The following DPP6 variants were observed in gnomAD, a reference collection of about 807,000 sequenced individuals.
DPP6 encodes the protein A-type potassium channel modulatory protein DPP6.
DPP6 carries 69 observed loss-of-function variants against 122.6 expected under a neutral mutation model. That is an observed-to-expected ratio of 0.56 (90% CI 0.46 to 0.69). The LOEUF is 0.69. Among genes scored for constraint, DPP6 ranks in the 30% least tolerant of loss-of-function variants. DPP6 has a pLI of 0.00. For synonymous variants in DPP6, 418 were observed against 433.1 expected, an observed-to-expected ratio of 0.97 and a Z score of 0.43; for missense variants, 928 against 1,116.9, an observed-to-expected ratio of 0.83 and a Z score of 2.41.
At chr7:154,446,905 G>C (rs2151290734) in intron 2 of DPP6, among the ~76,000 whole-genome samples, 2 of 152,338 alleles carry the variant, frequency 1.3e-5, no homozygotes, top group East Asian at 3.9e-4. Flanking sequence ...TCAAAAGAAA[G>C]TTCATGGAGA....
At chr7:154,775,461 T>C (rs1481803680) in intron 10 of DPP6, among the ~76,000 whole-genome samples, 1 of 152,140 alleles carries the variant, frequency 6.6e-6, no homozygotes, top group Non-Finnish European at 1.5e-5. Flanking sequence ...CCAGCATTTC[T>C]ACTGGGAGTG....
chr7:153,943,264 G>A (rs192403489), intron 1 of DPP6, among the ~76,000 whole-genome samples: 35 of 152,218 alleles, frequency 2.3e-4, no homozygotes, highest in African/African-American at 6.5e-4. Flanking sequence ...AGATATTTTC[G>A]GGCAGAGGTC....
At chr7:154,787,413 G>A (rs1293410375) in intron 10 of DPP6, among the ~76,000 whole-genome samples, 1 of 152,130 alleles carries the variant, frequency 6.6e-6, no homozygotes, top group Non-Finnish European at 1.5e-5. Context: ...TTTATTAAAT[G>A]TAAAATTATC....
At chr7:153,839,958 A>G in the DPP6 span, among the ~76,000 whole-genome samples, 2 of 152,242 alleles carry the variant, frequency 1.3e-5, no homozygotes. Flanking sequence ...GACAAAGTGA[A>G]GATGCTTGTT....
chr7:154,209,639 T>G (rs1799635228), intron 1 of DPP6, among the ~76,000 whole-genome samples: 1 of 152,068 alleles, frequency 6.6e-6, no homozygotes. Flanking sequence ...AATAATCTCT[T>G]AAGTGTAAAG....
chr7:153,782,100 C>G, the DPP6 span, among the ~76,000 whole-genome samples: 1 of 151,604 alleles, frequency 6.6e-6, no homozygotes, highest in South Asian at 2.1e-4. Context: ...CGTCTGTGCA[C>G]TCATTTATGG....
chr7:154,576,204 G>A (rs949127106), intron 5 of DPP6, among the ~76,000 whole-genome samples: 1 of 152,046 alleles, frequency 6.6e-6, no homozygotes, highest in East Asian at 1.9e-4. Flanking sequence ...TCTGCACAGC[G>A]TGGCCACAGT....
At chr7:154,465,074 C>T (rs1021297895) in intron 2 of DPP6, among the ~76,000 whole-genome samples, 1 of 152,226 alleles carries the variant, frequency 6.6e-6, no homozygotes, top group African/African-American at 2.4e-5. Flanking sequence ...CTCTCACTCT[C>T]TTTCAAAATA....
chr7:154,612,284 G>A (rs955668225), intron 5 of DPP6, among the ~76,000 whole-genome samples: 4 of 152,146 alleles, frequency 2.6e-5, no homozygotes, highest in African/African-American at 7.2e-5. Context: ...TCTGTCATGA[G>A]GACCCCTCGT....
At chr7:154,736,570 A>T (rs1486233358) in intron 8 of DPP6, among the ~76,000 whole-genome samples, 1 of 152,230 alleles carries the variant, frequency 6.6e-6, no homozygotes, top group Non-Finnish European at 1.5e-5. Flanking sequence ...TAGTAAGCCA[A>T]TCCCAATTTG....
intron 1 of DPP6, among the ~76,000 whole-genome samples, chr7:154,402,587 G>C (rs1478123658): frequency 6.9e-6 from 1 of 144,682 alleles, no homozygotes; most frequent in African/African-American, 2.6e-5. Flanking sequence ...ATCACACTCT[G>C]GGGACTGTTG....
At chr7:154,667,512 G>C (rs574945853) in intron 6 of DPP6, among the ~76,000 whole-genome samples, 39 of 152,312 alleles carry the variant, frequency 2.6e-4, no homozygotes, top group Non-Finnish European at 5.0e-4. Context: ...CGGATTCCCT[G>C]AGGTCAGGAG....
At chr7:154,413,257 C>T (rs920511397) in intron 1 of DPP6, among the ~76,000 whole-genome samples, 2 of 152,222 alleles carry the variant, frequency 1.3e-5, no homozygotes, top group Non-Finnish European at 2.9e-5. Flanking sequence ...CACTTTTTCT[C>T]CAGGGACTCA....
chr7:153,810,030 G>A, the DPP6 span, among the ~76,000 whole-genome samples: 7 of 152,228 alleles, frequency 4.6e-5, no homozygotes, highest in Non-Finnish European at 8.8e-5. Context: ...TGAAGAACAC[G>A]TTTTGGATCC....
rs187446254 is a variant in DPP6, at chr7:154,174,225, A to C, written c.243+121162A>C. ...TTGGACAAATTTCTTACTTTCTTGC[A>C]GTTCTGTTTACCCATTGGAAAACTG... On this transcript the variant is annotated intron_variant, in intron 1 of 25. Coordinates refer to ENST00000377770, the MANE Select transcript of DPP6 (RefSeq NM_130797.4). Among the ~76,000 whole-genome samples, 11 of 152,348 alleles carry C rather than the reference A, an allele frequency of 7.2e-5. No individual in the cohort carries two copies. In the East Asian group the frequency reaches 1.9e-3, roughly 27 times the overall value.
intron 1 of DPP6, among the ~76,000 whole-genome samples, chr7:154,324,246 G>T (rs902195139): frequency 1.3e-5 from 2 of 152,222 alleles, no homozygotes; most frequent in Admixed American, 6.5e-5. Context: ...TTGGGGAGCT[G>T]ATGTCTGCTC....
At chr7:154,435,265 GAGAA>G (rs1374425502) in intron 1 of DPP6, among the ~76,000 whole-genome samples, 2 of 152,104 alleles carry the variant, frequency 1.3e-5, no homozygotes, top group East Asian at 1.9e-4. Flanking sequence ...GAGGACGAGA[GAGAA>G]AGAAAGAGGG....
At chr7:154,432,576 C>T (rs528680871) in intron 1 of DPP6, among the ~76,000 whole-genome samples, 14 of 152,256 alleles carry the variant, frequency 9.2e-5, no homozygotes, top group South Asian at 8.3e-4. Flanking sequence ...TGCTCTTGTC[C>T]GTGTGTTCTG....
chr7:154,602,503 T>C (rs146704763), intron 5 of DPP6, among the ~76,000 whole-genome samples: 13,859 of 120,164 alleles, frequency 0.12, 4,089 homozygotes, highest in South Asian at 0.14. Context: ...CTGCAACCTC[T>C]GCCTCCCAGG....
Sources: gnomAD v4.1 joint callset for allele counts (sites outside exome capture counted in the v4.1 genomes callset) on GRCh38, gnomAD v4.1.1 for gene constraint, MANE v1.5 for transcripts, NCBI Gene and HGNC (gene_info 2026-07-23, HGNC 2026-07-21) for gene names.